The following VOPP1 variants were observed in gnomAD, a reference collection of about 807,000 sequenced individuals.
The protein encoded by VOPP1 is WW domain binding protein VOPP1.
Under a neutral mutation model 23.5 loss-of-function variants are expected in VOPP1, and 8 were observed. The ratio of observed to expected loss-of-function variants is 0.34; its 90% confidence interval spans 0.20 to 0.61. The LOEUF is 0.61. VOPP1 is among the 20% of genes least tolerant of loss of function. The probability of loss-of-function intolerance (pLI) is 0.78; values close to 1 mark genes in which losing one functional copy is unlikely to be tolerated. For synonymous variants in VOPP1, 83 were observed against 97.3 expected (o/e 0.85, Z 0.86); for missense variants, 174 against 238.1 (o/e 0.73, Z 1.77).
chr7:55,521,511 C>G, intron 1 of VOPP1: 2 of 1,025,548 alleles, frequency 2.0e-6, no homozygotes, highest in Non-Finnish European at 2.3e-6. Flanking sequence ...TTTAGAGAGA[C>G]ATCTCCAATA....
chr7:55,529,688 G>C (rs1796389089), intron 1 of VOPP1, among the ~76,000 whole-genome samples: 1 of 152,114 alleles, frequency 6.6e-6, no homozygotes, highest in Non-Finnish European at 1.5e-5. Context: ...TCCAGCTTCA[G>C]AACCTTTCCT....
At chr7:55,552,837 G>C in intron 1 of VOPP1, 3 of 1,432,762 alleles carry the variant, frequency 2.1e-6, no homozygotes, top group East Asian at 2.6e-5. Context: ...AACCCAGAAA[G>C]GTGACGGAGC....
At chr7:55,476,037 A>C (rs1026730007) in intron 4 of VOPP1, among the ~76,000 whole-genome samples, 1 of 152,176 alleles carries the variant, frequency 6.6e-6, no homozygotes, top group Non-Finnish European at 1.5e-5. Context: ...AAGTGGGGGA[A>C]GAAGTTCAGG....
chr7:55,550,670 G>A (rs1014517712), intron 1 of VOPP1, among the ~76,000 whole-genome samples: 4 of 152,124 alleles, frequency 2.6e-5, no homozygotes, highest in African/African-American at 9.7e-5. Flanking sequence ...TAGCCCTATC[G>A]CGAAGGATTA....
intron 4 of VOPP1, among the ~76,000 whole-genome samples, chr7:55,489,065 C>T (rs1793364473): frequency 6.6e-6 from 1 of 152,234 alleles, no homozygotes; most frequent in African/African-American, 2.4e-5. Flanking sequence ...AGGCAGGTGT[C>T]CAGACCAACA....
At chr7:55,518,704 C>T (rs999155861) in intron 2 of VOPP1, among the ~76,000 whole-genome samples, 2 of 152,202 alleles carry the variant, frequency 1.3e-5, no homozygotes, top group African/African-American at 4.8e-5. Context: ...CACTATCCTA[C>T]GCTTGTTGGG....
intron 4 of VOPP1, among the ~76,000 whole-genome samples, chr7:55,460,624 A>C (rs1178566236): frequency 6.6e-6 from 1 of 152,214 alleles, no homozygotes; most frequent in African/African-American, 2.4e-5. Flanking sequence ...GGTTGGTGCA[A>C]AAGTAATTGC....
rs572358622 is a variant in VOPP1 at position 55,476,492 on chromosome 7, G to A, written c.329-3447C>T. On this transcript the variant is annotated intron_variant, in intron 4 of 4. Transcript: ENST00000285279. ...GGGATGCAAAAGAGTCCGGCAGGCC[G>A]CAGAGGGAGGGGTGGAAATGCAGGG... Among the ~76,000 whole-genome samples, 9 of 152,192 alleles carry A rather than the reference G, an allele frequency of 5.9e-5. No individual in the cohort carries two copies. In the South Asian group the frequency reaches 6.2e-4, roughly 11 times the overall value.
chr7:55,489,299 A>G (rs1190742141), intron 4 of VOPP1, among the ~76,000 whole-genome samples: 1 of 152,226 alleles, frequency 6.6e-6, no homozygotes, highest in Non-Finnish European at 1.5e-5. Flanking sequence ...CAAGAAGTAT[A>G]AAATGAAAAA....
intron 1 of VOPP1, chr7:55,552,823 G>A: frequency 6.9e-7 from 1 of 1,452,882 alleles, no homozygotes; most frequent in Non-Finnish European, 9.0e-7. Context: ...ACTCAGCCAT[G>A]CTCAACCCAG....
chr7:55,495,103 T>A (rs1191634160), intron 3 of VOPP1, among the ~76,000 whole-genome samples: 1 of 151,822 alleles, frequency 6.6e-6, no homozygotes, highest in Non-Finnish European at 1.5e-5. Context: ...CAAGGACTGG[T>A]GCAGCTACTG....
At chr7:55,480,672 T>C (rs932618565) in intron 4 of VOPP1, among the ~76,000 whole-genome samples, 3 of 152,380 alleles carry the variant, frequency 2.0e-5, no homozygotes, top group Middle Eastern at 3.4e-3. Flanking sequence ...AGAGCTCAGT[T>C]CATTTGCTTT....
chr7:55,459,021 T>C (rs1791435548), intron 4 of VOPP1, among the ~76,000 whole-genome samples: 3 of 152,154 alleles, frequency 2.0e-5, no homozygotes, highest in Admixed American at 1.3e-4. Context: ...ATCTGTCATA[T>C]ATGGCCTTTA....
At chr7:55,507,354 A>C (rs1794794502) in intron 2 of VOPP1, among the ~76,000 whole-genome samples, 1 of 152,192 alleles carries the variant, frequency 6.6e-6, no homozygotes, top group Admixed American at 6.5e-5. Flanking sequence ...GGTGCTGGGA[A>C]GGAACATGTG....
chr7:55,561,762 AAC>A, intron 1 of VOPP1: 17 of 480,038 alleles, frequency 3.5e-5, no homozygotes, highest in Middle Eastern at 5.7e-4. Flanking sequence ...AAAAAAAAAA[AAC>A]AAACAAGCAA....
chr7:55,555,035 A>G (rs975511189), intron 1 of VOPP1, among the ~76,000 whole-genome samples: 1 of 152,242 alleles, frequency 6.6e-6, no homozygotes, highest in Non-Finnish European at 1.5e-5. Flanking sequence ...CTGTTTACAA[A>G]TTAAACCACT....
chr7:55,538,651 T>G, intron 1 of VOPP1: 1 of 1,536,014 alleles, frequency 6.5e-7, no homozygotes, highest in Non-Finnish European at 8.7e-7. Flanking sequence ...AGAGTTTCGC[T>G]GAGCATTGTG....
chr7:55,461,657 C>T (rs776683001), intron 4 of VOPP1, among the ~76,000 whole-genome samples: 1 of 152,172 alleles, frequency 6.6e-6, no homozygotes, highest in Non-Finnish European at 1.5e-5. Flanking sequence ...ACCTCGTGAT[C>T]CACCCACCTC....
chr7:55,510,492 C>A (rs1329342336), intron 2 of VOPP1, among the ~76,000 whole-genome samples: 1 of 150,410 alleles, frequency 6.6e-6, no homozygotes, highest in Non-Finnish European at 1.5e-5. Context: ...TTTTGTCATG[C>A]TTTAAGGCCC....
Sources: allele counts gnomAD v4.1 joint callset (sites outside exome capture counted in the v4.1 genomes callset), GRCh38; gene constraint gnomAD v4.1.1; transcripts MANE v1.5; gene names NCBI Gene and HGNC (gene_info 2026-07-23, HGNC 2026-07-21).